Variants in SCNN1B observed in about 807,000 individuals in gnomAD.
SCNN1B encodes epithelial sodium channel subunit beta.
A neutral mutation model predicts 65.3 loss-of-function variants in SCNN1B; 46 were observed. That is an observed-to-expected ratio of 0.70 (90% CI 0.56 to 0.90). SCNN1B has a LOEUF of 0.90. Among genes scored for constraint, SCNN1B ranks in the 40% least tolerant of loss-of-function variants. The pLI, the probability that SCNN1B is intolerant of heterozygous loss-of-function variation, is 0.00. For missense variants in SCNN1B, 751 were observed against 830.5 expected (o/e 0.90, Z 1.18); for synonymous variants, 349 against 330.6 (o/e 1.06, Z -0.60).
chr16:23,279,741 C>T (rs373366296), intron 1 of SCNN1B, among the ~76,000 whole-genome samples: 4 of 152,168 alleles, frequency 2.6e-5, no homozygotes, highest in African/African-American at 9.7e-5. Flanking sequence ...TTCGTACCTT[C>T]TACGTTCAGA....
chr16:23,371,569 C>T, intron 6 of SCNN1B, 107 bp downstream of exon 6: 2 of 1,235,838 alleles, frequency 1.6e-6, no homozygotes, highest in Non-Finnish European at 1.2e-6. Flanking sequence ...GCCCCCCAGC[C>T]CTGGCCTTCC....
At chr16:23,377,832 C>A (rs1157765422) in intron 10 of SCNN1B, among the ~76,000 whole-genome samples, 2 of 151,414 alleles carry the variant, frequency 1.3e-5, no homozygotes, top group Admixed American at 6.6e-5. Context: ...AATATTCTCC[C>A]AGGCACTGTG....
At chr16:23,282,376 A>G (rs1201596207) in intron 1 of SCNN1B, among the ~76,000 whole-genome samples, 1 of 152,198 alleles carries the variant, frequency 6.6e-6, no homozygotes, top group African/African-American at 2.4e-5. Flanking sequence ...CTTTACAACA[A>G]TAACATGAGA....
chr16:23,362,988 T>C (rs1962582858), intron 4 of SCNN1B, among the ~76,000 whole-genome samples: 2 of 152,124 alleles, frequency 1.3e-5, no homozygotes, highest in Non-Finnish European at 2.9e-5. Context: ...CCCTTTCTCC[T>C]CCCTACCCTG....
chr16:23,326,195 G>T (rs1477742110), intron 1 of SCNN1B, among the ~76,000 whole-genome samples: 1 of 149,628 alleles, frequency 6.7e-6, no homozygotes, highest in Non-Finnish European at 1.5e-5. Context: ...TAGAATCCTG[G>T]TTTTTTTCAA....
chr16:23,343,597 AAGAAAGAAAGAAAG>A (rs1962112808), intron 1 of SCNN1B, among the ~76,000 whole-genome samples: 1 of 100,946 alleles, frequency 9.9e-6, no homozygotes, highest in Non-Finnish European at 2.1e-5. Flanking sequence ...GAAAGAAAGA[AAGAAAGAAAGAAAG>A]AAAGAAAGAA....
At chr16:23,315,815 A>G (rs1961441691) in intron 1 of SCNN1B, among the ~76,000 whole-genome samples, 1 of 152,176 alleles carries the variant, frequency 6.6e-6, no homozygotes, top group Non-Finnish European at 1.5e-5. Flanking sequence ...TAAACGAAGT[A>G]CAGGCATAGG....
intron 4 of SCNN1B, among the ~76,000 whole-genome samples, chr16:23,361,321 C>G (rs1241576486): frequency 6.6e-6 from 1 of 152,178 alleles, no homozygotes; most frequent in East Asian, 1.9e-4. Context: ...TCCTCAGCCT[C>G]CAAAAGTACT....
At chr16:23,360,658 T>C (rs1452539585) in intron 4 of SCNN1B, among the ~76,000 whole-genome samples, 2 of 140,136 alleles carry the variant, frequency 1.4e-5, no homozygotes, top group Admixed American at 7.7e-5. Flanking sequence ...TACAATGGCA[T>C]AATCTCCACT....
intron 1 of SCNN1B, among the ~76,000 whole-genome samples, chr16:23,304,256 C>CACACACACACAT (rs139466918): frequency 0.06 from 9,161 of 151,870 alleles, 955 homozygotes; most frequent in African/African-American, 0.21. Flanking sequence ...AATGCATGCA[C>CACACACACACAT]ACACACACAT....
chr16:23,371,307 T>C lies in SCNN1B; in HGVS notation c.889T>C (p.Leu297=). 6.2e-7 allele frequency: 1 copy of C among 1,614,004 alleles called. No individual in the cohort carries two copies. Among genetic ancestry groups the C allele is most frequent in the Non-Finnish European group, 8.5e-7 (1 of 1,179,972 alleles). ...CCCCACCCTCCCCACAGGCCTGAAG[T>C]TGATCCTGGACATAGGCCAGGAAGA... is the stretch of plus-strand genomic sequence containing the variant. The part of the protein sequence containing the change: ...ANPGTEFGLK[L]ILDIGQEDYV... Residue 297 remains leucine, a synonymous_variant, in exon 6 of 13, where the codon TTG becomes CTG. Transcript: ENST00000343070.
intron 7 of SCNN1B, among the ~76,000 whole-genome samples, chr16:23,373,419 C>T (rs1003626813): frequency 3.0e-4 from 45 of 152,196 alleles, no homozygotes; most frequent in African/African-American, 9.9e-4. Context: ...TGAGCCACTG[C>T]GCCCACTGGA....
chr16:23,287,020 T>C (rs1473720201), intron 2 of SCNN1B, among the ~76,000 whole-genome samples: 1 of 151,314 alleles, frequency 6.6e-6, no homozygotes, highest in Non-Finnish European at 1.5e-5. Context: ...TTTTTTTTTT[T>C]TGAGACAGAG....
chr16:23,378,888 A>T, intron 11 of SCNN1B, 121 bp downstream of exon 11: 1 of 874,090 alleles, frequency 1.1e-6, no homozygotes, highest in South Asian at 1.4e-5. Flanking sequence ...CCGAGGAGCA[A>T]GTCTTGAGGA....
chr16:23,364,167 A>AAAAT (rs909847161), intron 4 of SCNN1B, among the ~76,000 whole-genome samples: 159 of 152,290 alleles, frequency 1.0e-3, no homozygotes, highest in African/African-American at 3.6e-3. Flanking sequence ...ACTCCATCTC[A>AAAAT]AAATAAATAA....
rs781204308 is a variant in SCNN1B, at chr16:23,380,747, G to T, written c.1869G>T (p.Leu623=). The change falls in exon 13 of 13, where the codon CTG becomes CTT. Residue 623 remains leucine (L), a synonymous_variant. Coordinates refer to ENST00000343070, the MANE Select transcript of SCNN1B (RefSeq NM_000336.3). This position sits in a 1 kb window ranked among gnomAD's most constrained non-coding sequence, Gnocchi z 5.4. ...PGTPPPNYDS[L]RLQPLDVIES... ...CCCCGCCCCCCAACTATGACTCCCT[G>T]CGTCTGCAGCCGCTGGACGTCATCG... 1.1e-5 allele frequency: 18 copies of T among 1,612,396 alleles called. No individual in the cohort carries two copies. In the East Asian group the frequency reaches 2.2e-4, roughly 20 times the overall value.
At chr16:23,319,155 C>T (rs546302050) in intron 1 of SCNN1B, among the ~76,000 whole-genome samples, 1 of 152,178 alleles carries the variant, frequency 6.6e-6, no homozygotes, top group South Asian at 2.1e-4. Flanking sequence ...ATTCTCCTGC[C>T]TCAGCCTCCT....
chr16:23,342,605 A>G (rs925060497), intron 1 of SCNN1B, among the ~76,000 whole-genome samples: 2 of 152,162 alleles, frequency 1.3e-5, no homozygotes, highest in African/African-American at 4.8e-5. Flanking sequence ...CCACATTGGA[A>G]GAAGAATTAT....
At chr16:23,370,635 G>A (rs1395036577) in intron 5 of SCNN1B, among the ~76,000 whole-genome samples, 1 of 152,210 alleles carries the variant, frequency 6.6e-6, no homozygotes, top group Non-Finnish European at 1.5e-5. Flanking sequence ...GAAAGTTCCG[G>A]GGCTAGGAAA....
Sources: gnomAD v4.1 joint callset for allele counts (sites outside exome capture counted in the v4.1 genomes callset) on GRCh38, gnomAD v4.1.1 for gene constraint, Gnocchi (gnomAD v3.1) non-coding constraint, MANE v1.5 for transcripts, NCBI Gene and HGNC (gene_info 2026-07-23, HGNC 2026-07-21) for gene names.